Variants in TRIM33 observed in about 807,000 individuals in gnomAD.
TRIM33 encodes E3 ubiquitin-protein ligase TRIM33.
Under a neutral mutation model 125.4 loss-of-function variants are expected in TRIM33, and 20 were observed. The observed-to-expected ratio is 0.16, with a 90% CI of 0.11 to 0.23. The LOEUF (loss-of-function observed/expected upper bound fraction) is 0.23, where lower values mean the gene tolerates loss of function less well. TRIM33 is among the 10% of genes least tolerant of loss of function. TRIM33 has a pLI of 1.00. For synonymous variants in TRIM33, 564 were observed against 513.9 expected (o/e 1.10, Z -1.32); for missense variants, 920 against 1,411.4 (o/e 0.65, Z 5.58).
intron 4 of TRIM33, among the ~76,000 whole-genome samples, chr1:114,453,570 C>T (rs542988195): frequency 4.1e-4 from 62 of 152,172 alleles, no homozygotes; most frequent in Middle Eastern, 3.4e-3. Context: ...GCCTTCAGTC[C>T]CTGGCAGGTA....
At chr1:114,496,435 G>T (rs1203756335) in intron 1 of TRIM33, among the ~76,000 whole-genome samples, 1 of 152,148 alleles carries the variant, frequency 6.6e-6, no homozygotes. Flanking sequence ...AACAGGTCAG[G>T]CTGTACACAC....
intron 4 of TRIM33, chr1:114,459,876 G>C (rs1649854981): frequency 6.6e-6 from 1 of 152,322 alleles, no homozygotes; most frequent in South Asian, 2.1e-4. Flanking sequence ...GATAGAACCA[G>C]AAGTAGCATA....
intron 1 of TRIM33, among the ~76,000 whole-genome samples, chr1:114,496,816 A>T (rs895066056): frequency 6.6e-6 from 1 of 152,190 alleles, no homozygotes; most frequent in Non-Finnish European, 1.5e-5. Flanking sequence ...TATTTTTAAG[A>T]AATTCTGCTG....
At chr1:114,457,394 A>C (rs1649689048) in intron 4 of TRIM33, among the ~76,000 whole-genome samples, 1 of 152,210 alleles carries the variant, frequency 6.6e-6, no homozygotes, top group African/African-American at 2.4e-5. Flanking sequence ...TACAATGTAC[A>C]ACACTGTAGA....
At chr1:114,446,857 G>C (rs1649012260) in intron 4 of TRIM33, among the ~76,000 whole-genome samples, 1 of 152,120 alleles carries the variant, frequency 6.6e-6, no homozygotes, top group South Asian at 2.1e-4. Flanking sequence ...AGGAGTTCGA[G>C]ACCAGCCCAG....
intron 4 of TRIM33, among the ~76,000 whole-genome samples, chr1:114,435,233 A>G (rs1377751241): frequency 6.6e-6 from 1 of 152,216 alleles, no homozygotes; most frequent in Admixed American, 6.5e-5. Flanking sequence ...ACAGTAACTC[A>G]TATCAGAGAT....
At chr1:114,506,571 T>C (rs1275933450) in intron 1 of TRIM33, among the ~76,000 whole-genome samples, 1 of 152,112 alleles carries the variant, frequency 6.6e-6, no homozygotes, top group East Asian at 1.9e-4. Context: ...TCTTGCTATG[T>C]TACTCAGGCT....
chr1:114,475,950 T>C lies in TRIM33; in HGVS notation c.527-11562A>G, dbSNP rs189153788. ...GGGAGGTGGAGGCTGCAGTTAGCCA[T>C]GTTCACACCACTGCACTCCAGCCAG... is the stretch of plus-strand genomic sequence containing the variant. On this transcript the variant is annotated intron_variant, in intron 1 of 19. Transcript: ENST00000358465. Among the ~76,000 whole-genome samples, 44 of 151,004 alleles carry C rather than the reference T, an allele frequency of 2.9e-4. No homozygotes were observed. In the East Asian group the frequency reaches 4.9e-3, roughly 17 times the overall value.
intron 18 of TRIM33, 31 bp from the exon 19 acceptor site, chr1:114,398,021 A>C (rs750990577): frequency 1.9e-6 from 3 of 1,576,168 alleles, no homozygotes; most frequent in Admixed American, 3.5e-5. Flanking sequence ...AAAAAAAAAA[A>C]AGGGAAATTA....
At position 114,433,557 on chromosome 1, in the gene TRIM33, A is replaced by C. The variant is rs541094427; in HGVS notation, c.1040+60T>G. 1.9e-4 allele frequency: 195 copies of C among 1,038,036 alleles called. No homozygotes were observed. The African/African-American group carries it at 2.8e-3, about 15-fold the overall frequency. The allele number at this position is 1,038,036 out of a possible 1,614,324, so 64.3% of individuals were successfully genotyped here. On this transcript the variant is annotated intron_variant, in intron 5 of 19. Coordinates refer to ENST00000358465, the MANE Select transcript of TRIM33 (RefSeq NM_015906.4). The stretch of plus-strand genomic sequence containing the variant: ...TTAATATAGCAGAAAAACAGATTTA[A>C]ACTGGACCCACTTCTTTTTAGTAAT...
chr1:114,492,612 C>G (rs948811608), intron 1 of TRIM33, among the ~76,000 whole-genome samples: 1 of 152,196 alleles, frequency 6.6e-6, no homozygotes, highest in Non-Finnish European at 1.5e-5. Context: ...TTGGTAACCT[C>G]TAGTCTACTT....
intron 4 of TRIM33, among the ~76,000 whole-genome samples, chr1:114,461,289 T>C: frequency 7.6e-6 from 1 of 132,430 alleles, no homozygotes; most frequent in South Asian, 2.4e-4. Flanking sequence ...TATTATTATA[T>C]ATTTATATAT....
intron 1 of TRIM33, among the ~76,000 whole-genome samples, chr1:114,499,785 G>A (rs1652598687): frequency 6.6e-6 from 1 of 152,164 alleles, no homozygotes; most frequent in Admixed American, 6.5e-5. Context: ...TGAGCAGGCA[G>A]AAGCAAGCAG....
chr1:114,403,130 G>A (rs970760211), intron 15 of TRIM33, among the ~76,000 whole-genome samples: 13 of 152,042 alleles, frequency 8.6e-5, no homozygotes, highest in Non-Finnish European at 5.9e-5. Context: ...ATTAAAAGGG[G>A]GTCTCTTAGT....
chr1:114,508,226 C>G (rs1230423656), intron 1 of TRIM33, among the ~76,000 whole-genome samples: 4 of 152,120 alleles, frequency 2.6e-5, no homozygotes, highest in Admixed American at 2.0e-4. Flanking sequence ...TTAGTCCCTT[C>G]CACTTACTCC....
chr1:114,481,629 CTA>C lies in TRIM33; in HGVS notation c.527-17243_527-17242del, dbSNP rs34288270. Among the ~76,000 whole-genome samples, 393 of 144,554 alleles carry C rather than the reference CTA, an allele frequency of 2.7e-3. 2 individuals are homozygous for C. The highest frequency in any genetic ancestry group is 6.0e-3 in the South Asian group (27 of 4,508). The allele number at this position is 144,554 out of a possible 152,430, so 94.8% of individuals were successfully genotyped here. On this transcript the variant is annotated intron_variant, in intron 1 of 19. Coordinates refer to ENST00000358465, the MANE Select transcript of TRIM33 (RefSeq NM_015906.4). ...GAAAAACAAAAAAAAAGAAAAAAAA[CTA>C]TATATATATGTGTGTGTGTGTGTGT...
At chr1:114,433,107 T>C (rs998957462) in intron 5 of TRIM33, among the ~76,000 whole-genome samples, 1 of 152,228 alleles carries the variant, frequency 6.6e-6, no homozygotes, top group East Asian at 1.9e-4. Flanking sequence ...AGTAGAATAC[T>C]TTTTAAATAA....
intron 4 of TRIM33, among the ~76,000 whole-genome samples, chr1:114,435,623 G>A (rs1248187802): frequency 6.6e-6 from 1 of 152,170 alleles, no homozygotes; most frequent in African/African-American, 2.4e-5. Context: ...AAGAAGAATG[G>A]AGGACAGTAG....
At chr1:114,413,152 T>C (rs1277095279) in intron 11 of TRIM33, among the ~76,000 whole-genome samples, 1 of 152,124 alleles carries the variant, frequency 6.6e-6, no homozygotes, top group African/African-American at 2.4e-5. Context: ...TTTTTAATAG[T>C]AACATGTGAG....
Sources: allele counts gnomAD v4.1 joint callset (sites outside exome capture counted in the v4.1 genomes callset), GRCh38; gene constraint gnomAD v4.1.1; transcripts MANE v1.5; gene names NCBI Gene and HGNC (gene_info 2026-07-23, HGNC 2026-07-21).